POLA1: variants seen among roughly 807,000 people sequenced by gnomAD.
POLA1 encodes the protein DNA polymerase alpha catalytic subunit.
A neutral mutation model predicts 124.0 loss-of-function variants in POLA1; 15 were observed. That is an observed-to-expected ratio of 0.12 (90% CI 0.08 to 0.19). The LOEUF (loss-of-function observed/expected upper bound fraction) is 0.19. Ranked by LOEUF, POLA1 falls within the 10% of genes least tolerant of loss-of-function variation. The pLI, the probability that POLA1 is intolerant of heterozygous loss-of-function variation, is 1.00. For synonymous variants in POLA1, 408 were observed against 389.4 expected, an observed-to-expected ratio of 1.05 and a Z score of -0.56; for missense variants, 886 against 1,103.4, an observed-to-expected ratio of 0.80 and a Z score of 2.79.
intron 32 of POLA1, among the ~76,000 whole-genome samples, chrX:24,835,208 C>G (rs762556612): frequency 9.1e-6 from 1 of 109,749 alleles, no homozygotes; most frequent in Non-Finnish European, 1.9e-5. Context: ...CCACCACCCC[C>G]GGCTGATTTT....
intron 26 of POLA1, chrX:24,788,725 T>C: frequency 8.3e-7 from 1 of 1,205,677 alleles, no homozygotes; most frequent in Non-Finnish European, 1.1e-6. Context: ...TTAGCCTCTT[T>C]GCTTCTTCAC....
intron 34 of POLA1, among the ~76,000 whole-genome samples, chrX:24,858,241 T>C (rs2046673235): frequency 8.9e-6 from 1 of 112,081 alleles, no homozygotes; most frequent in South Asian, 3.7e-4. Flanking sequence ...TTGCTCAACC[T>C]CGCCTCTTCT....
At chrX:24,730,483 T>C (rs966668281) in intron 15 of POLA1, among the ~76,000 whole-genome samples, 39 of 111,694 alleles carry the variant, frequency 3.5e-4, no homozygotes, top group African/African-American at 1.2e-3. Context: ...TGACCTTAAG[T>C]GATCCGCCCA....
intron 36 of POLA1, among the ~76,000 whole-genome samples, chrX:24,934,103 A>C (rs1472811969): frequency 8.9e-6 from 1 of 111,805 alleles, no homozygotes. Flanking sequence ...AAATGGTCCC[A>C]TTTGGCTGCC....
intron 26 of POLA1, among the ~76,000 whole-genome samples, chrX:24,754,551 G>T (rs912002082): frequency 2.5e-4 from 28 of 111,712 alleles, no homozygotes; most frequent in Middle Eastern, 4.7e-3. Flanking sequence ...ACCGCACCCC[G>T]CTGTGATCTC....
chrX:24,968,620 G>A (rs1259112317), intron 36 of POLA1, among the ~76,000 whole-genome samples: 6 of 106,310 alleles, frequency 5.6e-5, no homozygotes, highest in African/African-American at 2.1e-4. Context: ...GGAGACTGGT[G>A]TGAACCCGGG....
chrX:24,761,793 A>G (rs937886845), intron 26 of POLA1, among the ~76,000 whole-genome samples: 2 of 112,169 alleles, frequency 1.8e-5, no homozygotes, highest in Admixed American at 1.9e-4. Context: ...TTCAAGTGAT[A>G]TTTGCTGAGT....
chrX:24,733,857 G>A (rs780409909), intron 17 of POLA1, 41 bp downstream of exon 17: 45 of 778,931 alleles, frequency 5.8e-5, no homozygotes, highest in South Asian at 2.5e-4. Context: ...TGTTTGGAGC[G>A]AGAAAGAAAA....
chrX:24,722,219 A>T (rs1173179195), intron 10 of POLA1, among the ~76,000 whole-genome samples: 1 of 111,880 alleles, frequency 8.9e-6, no homozygotes. Context: ...GGCTTTGTTG[A>T]TTACTGCTGT....
At chrX:24,918,743 G>A (rs758425250) in intron 35 of POLA1, among the ~76,000 whole-genome samples, 13 of 111,788 alleles carry the variant, frequency 1.2e-4, no homozygotes, top group Admixed American at 9.5e-4. Context: ...ATTTGTATCA[G>A]ATGAGGGCCT....
chrX:24,776,721 T>C (rs1207356392), intron 26 of POLA1, among the ~76,000 whole-genome samples: 1 of 112,045 alleles, frequency 8.9e-6, no homozygotes, highest in Non-Finnish European at 1.9e-5. Flanking sequence ...GCTTATGACA[T>C]TTAAAAAATC....
intron 1 of POLA1, 133 bp downstream of exon 1, chrX:24,694,137 C>T: frequency 1.6e-6 from 1 of 642,232 alleles, no homozygotes; most frequent in Non-Finnish European, 2.3e-6. Flanking sequence ...GGGGGCCCTT[C>T]TGGCGTCGGA....
intron 35 of POLA1, among the ~76,000 whole-genome samples, chrX:24,929,145 G>A (rs1001730765): frequency 8.9e-6 from 1 of 112,141 alleles, no homozygotes; most frequent in Non-Finnish European, 1.9e-5. Context: ...AAATTGGGTT[G>A]GCTATAATTT....
At chrX:24,797,283 T>TA (rs201945813) in intron 26 of POLA1, among the ~76,000 whole-genome samples, 76 of 106,401 alleles carry the variant, frequency 7.1e-4, no homozygotes, top group East Asian at 4.9e-3. Context: ...TTTGCCTTTG[T>TA]AAAAAAAAAA....
At chrX:24,949,740 CTTTTTTTTTT>C (rs1254536986) in intron 36 of POLA1, among the ~76,000 whole-genome samples, 1 of 88,853 alleles carries the variant, frequency 1.1e-5, no homozygotes, top group Non-Finnish European at 2.3e-5. Context: ...CTTTTTTTTT[CTTTTTTTTTT>C]TTAAGACAGA....
chrX:24,781,499 T>C (rs926960175), intron 26 of POLA1, among the ~76,000 whole-genome samples: 2 of 112,031 alleles, frequency 1.8e-5, no homozygotes, highest in Admixed American at 1.9e-4. Context: ...CATTGTTGCC[T>C]TTATTGGATC....
intron 31 of POLA1, among the ~76,000 whole-genome samples, chrX:24,824,224 T>C (rs1298488961): frequency 9.0e-6 from 1 of 111,616 alleles, no homozygotes; most frequent in African/African-American, 3.3e-5. Context: ...TAAAGATGTA[T>C]GCCACGTATT....
intron 34 of POLA1, among the ~76,000 whole-genome samples, chrX:24,881,080 C>T (rs183585207): frequency 1.8e-5 from 2 of 111,769 alleles, no homozygotes; most frequent in Non-Finnish European, 3.8e-5. Flanking sequence ...GCCTGTTTTG[C>T]CGTCTATATC....
intron 36 of POLA1, among the ~76,000 whole-genome samples, chrX:24,957,956 C>A (rs2048125823): frequency 9.0e-6 from 1 of 110,934 alleles, no homozygotes; most frequent in African/African-American, 3.3e-5. Context: ...GAGATTTTCT[C>A]AACCTTGGCA....
Sources: allele counts gnomAD v4.1 joint callset (sites outside exome capture counted in the v4.1 genomes callset), GRCh38; gene constraint gnomAD v4.1.1; transcripts MANE v1.5; gene names NCBI Gene and HGNC (gene_info 2026-07-23, HGNC 2026-07-21).